Variants in NRIP1 observed in about 807,000 individuals in gnomAD.
NRIP1 encodes the protein nuclear receptor interacting protein 1, also known as nuclear receptor-interacting protein 1.
NRIP1 carries 28 observed loss-of-function variants against 75.0 expected under a neutral mutation model. The ratio of observed to expected loss-of-function variants is 0.37; its 90% CI spans 0.28 to 0.51. The LOEUF (loss-of-function observed/expected upper bound fraction) is 0.51, where lower values mean the gene tolerates loss of function less well. Among genes scored for constraint, NRIP1 ranks in the 20% least tolerant of loss-of-function variants. The pLI, the probability that NRIP1 is intolerant of heterozygous loss-of-function variation, is 0.92. For missense variants in NRIP1, 1,435 were observed against 1,343.7 expected (o/e 1.07, Z -1.06); for synonymous variants, 526 against 487.6 (o/e 1.08, Z -1.04).
intron 1 of NRIP1, among the ~76,000 whole-genome samples, chr21:15,044,453 T>C (rs1197264085): frequency 6.6e-6 from 1 of 151,840 alleles, no homozygotes; most frequent in Non-Finnish European, 1.5e-5. Flanking sequence ...GAGGAAACTT[T>C]ATTTTGGTCA....
At chr21:15,003,791 A>G (rs2087902494) in intron 3 of NRIP1, among the ~76,000 whole-genome samples, 1 of 152,210 alleles carries the variant, frequency 6.6e-6, no homozygotes, top group South Asian at 2.1e-4. Flanking sequence ...AATTACAGCA[A>G]CCTTTCAACC....
At chr21:15,010,741 C>T (rs1410516063) in intron 3 of NRIP1, among the ~76,000 whole-genome samples, 1 of 152,136 alleles carries the variant, frequency 6.6e-6, no homozygotes, top group Non-Finnish European at 1.5e-5. Context: ...AAGACTCGAA[C>T]AAGGATGTCA....
At chr21:15,061,416 G>A (rs1191842343) in intron 1 of NRIP1, among the ~76,000 whole-genome samples, 1 of 152,118 alleles carries the variant, frequency 6.6e-6, no homozygotes, top group Non-Finnish European at 1.5e-5. Flanking sequence ...AACTAAGGCA[G>A]TTTTTCATGG....
chr21:15,046,898 T>C (rs190290314), intron 1 of NRIP1, among the ~76,000 whole-genome samples: 27 of 152,324 alleles, frequency 1.8e-4, no homozygotes, highest in African/African-American at 6.0e-4. Context: ...TCTTCTGCAG[T>C]TTCTTCATCT....
intron 1 of NRIP1, among the ~76,000 whole-genome samples, chr21:15,062,042 C>T (rs2089434587): frequency 6.6e-6 from 1 of 152,192 alleles, no homozygotes; most frequent in Admixed American, 6.5e-5. Flanking sequence ...TGATGTTTGA[C>T]AGAATTAATA....
At position 14,967,793 on chromosome 21, in the gene NRIP1, C is replaced by G. The variant is rs1008224200; in HGVS notation, c.400G>C (p.Ala134Pro). 6.2e-7 allele frequency: 1 copy of G among 1,613,974 alleles called. No homozygotes were observed. Among genetic ancestry groups the G allele is most frequent in the Non-Finnish European group, 8.5e-7 (1 of 1,179,976 alleles). The change falls in exon 4 of 4, where the codon GCC becomes CCC. Residue 134 changes from alanine to proline, a missense_variant. Physicochemically the swap from Ala to Pro is conservative, Grantham distance 27. Coordinates refer to ENST00000318948, the MANE Select transcript of NRIP1 (RefSeq NM_003489.4). ...GAGCTGAATGACTGAAGCAAAGAGGCCAGTAATGTGCTATCCTGTTTGCCT... is the reference window on the plus strand; with the variant it reads ...GAGCTGAATGACTGAAGCAAAGAGGGCAGTAATGTGCTATCCTGTTTGCCT... ...PKGKQDSTLL[A>P]SLLQSFSSRL...
intron 1 of NRIP1, among the ~76,000 whole-genome samples, chr21:15,064,330 G>A (rs2147451109): frequency 6.6e-6 from 1 of 152,346 alleles, no homozygotes; most frequent in African/African-American, 2.4e-5. Context: ...GGCGAAAGGC[G>A]CCGCCCAGGA....
At chr21:15,052,555 C>T (rs1224957754) in intron 1 of NRIP1, among the ~76,000 whole-genome samples, 3 of 152,130 alleles carry the variant, frequency 2.0e-5, no homozygotes, top group Non-Finnish European at 2.9e-5. Context: ...AGTTTTCCCC[C>T]GCGATACTTC....
In NRIP1 at chr21:15,050,755, A is replaced by C. The variant is rs763302982; in HGVS notation, c.-537-7181T>G. 269 of 456,078 alleles carry C rather than the reference A, an allele frequency of 5.9e-4. 1 individual carries two copies. The highest frequency in any genetic ancestry group is 3.3e-4 in the Middle Eastern group (1 of 3,070). 28.3% of individuals were successfully genotyped at this position (456,078 alleles called of 1,614,324 possible). A position where few individuals can be genotyped will look rare whatever the true frequency, so the allele number is the denominator to read the frequency against. On this transcript the variant is annotated intron_variant, in intron 1 of 3. Coordinates refer to ENST00000318948, the MANE Select transcript of NRIP1 (RefSeq NM_003489.4). ...CTGGCTGGGAAGAGATTGCCCCTCT[A>C]GGGGCCAGCCAACGCTTAGAGAAGG...
intron 3 of NRIP1, among the ~76,000 whole-genome samples, chr21:14,999,769 T>C (rs578139302): frequency 5.3e-5 from 8 of 152,354 alleles, no homozygotes; most frequent in African/African-American, 1.4e-4. Context: ...GCTCATTTAC[T>C]GAACTTAGGG....
At position 14,966,833 on chromosome 21, in the gene NRIP1, A is replaced by G. The variant is rs776982768; in HGVS notation, c.1360T>C (p.Ser454Pro). Reference protein sequence around the residue: ...SCKHRTEKSESDQPVSLDNFT... With the variant: ...SCKHRTEKSEPDQPVSLDNFT... ...TTATCCAGGGAAACAGGTTGGTCAG[A>G]TTCTGATTTTTCAGTTCGGTGTTTG... The change falls in exon 4 of 4, where the codon TCT becomes CCT. Residue 454 changes from serine (S) to proline (P), a missense_variant. Physicochemically the swap from Ser to Pro is moderately conservative, Grantham distance 74. Coordinates refer to ENST00000318948, the MANE Select transcript of NRIP1 (RefSeq NM_003489.4). 1 of 1,614,116 alleles carries G rather than the reference A, an allele frequency of 6.2e-7. No individual in the cohort carries two copies. Among genetic ancestry groups the G allele is most frequent in the East Asian group, 2.2e-5 (1 of 44,872 alleles).
Position 14,964,680 on chromosome 21 carries a change from T to G in NRIP1, c.*36A>C, listed in dbSNP as rs758136420. Reference sequence around the variant, plus strand: ...CAGATCTCAAGTTCATACTCATTAGTTTTAAAAAGATCCAAAACTGGATGG... The same window carrying G: ...CAGATCTCAAGTTCATACTCATTAGGTTTAAAAAGATCCAAAACTGGATGG... On this transcript the variant is annotated 3_prime_UTR_variant, in exon 4 of 4. Transcript: ENST00000318948. 5 of 1,450,878 alleles carry G rather than the reference T, an allele frequency of 3.4e-6. No homozygotes were observed. The highest frequency in any genetic ancestry group is 4.6e-6 in the Non-Finnish European group (5 of 1,079,012). The allele number at this position is 1,450,878 out of a possible 1,614,324, so 89.9% of individuals were successfully genotyped here.
At position 14,988,495 on chromosome 21, in the gene NRIP1, A is replaced by ATGTG. The variant is rs1220704059; in HGVS notation, c.-334-19970_-334-19969insCACA. ...TAGATAATATAGATAGATAGTATATATATATGTGTGTGTGTGTGTGTGTAT... is the reference window on the plus strand; with the variant it reads ...TAGATAATATAGATAGATAGTATATATGTGTATATGTGTGTGTGTGTGTGTGTAT... On this transcript the variant is annotated intron_variant, in intron 3 of 3. Transcript: ENST00000318948. Among the ~76,000 whole-genome samples the ATGTG allele has an allele frequency of 3.5e-5, 4 of 115,026 alleles. No homozygotes were observed. In the East Asian group the frequency reaches 1.0e-3, roughly 29 times the overall value. The allele number at this position is 115,026 out of a possible 152,430, so 75.5% of individuals were successfully genotyped here.
At position 15,048,077 on chromosome 21, in the gene NRIP1, T is replaced by C. The variant is rs952490130; in HGVS notation, c.-537-4503A>G. On this transcript the variant is annotated intron_variant, in intron 1 of 3. Coordinates refer to ENST00000318948, the MANE Select transcript of NRIP1 (RefSeq NM_003489.4). ...AGTCTGTAAAGCAGTCAGACCACACTGAACAAGTTCGCCGGCTGATATGGG... is the reference window on the plus strand; with the variant it reads ...AGTCTGTAAAGCAGTCAGACCACACCGAACAAGTTCGCCGGCTGATATGGG... 3.9e-5 allele frequency among the ~76,000 whole-genome samples: 6 copies of C among 152,182 alleles called. No individual in the cohort carries two copies. The East Asian group carries it at 1.2e-3, about 29-fold the overall frequency.
At chr21:15,064,410 C>T (rs1978657196) in intron 1 of NRIP1, among the ~76,000 whole-genome samples, 1 of 152,158 alleles carries the variant, frequency 6.6e-6, no homozygotes, top group Non-Finnish European at 1.5e-5. Flanking sequence ...AGAGGGCAAG[C>T]GAGCGGGGGC....
chr21:14,999,974 T>C (rs1435096144), intron 3 of NRIP1, among the ~76,000 whole-genome samples: 1 of 152,234 alleles, frequency 6.6e-6, no homozygotes, highest in South Asian at 2.1e-4. Context: ...ATAATGTACC[T>C]AAACTGACAA....
At chr21:15,012,637 G>C (rs1046379759) in intron 3 of NRIP1, among the ~76,000 whole-genome samples, 4 of 151,868 alleles carry the variant, frequency 2.6e-5, no homozygotes, top group Non-Finnish European at 4.4e-5. Flanking sequence ...ATTTTTAGTA[G>C]AGACAGGGTT....
chr21:15,050,338 A>C (rs1207459926), intron 1 of NRIP1: 3 of 195,988 alleles, frequency 1.5e-5, no homozygotes, highest in African/African-American at 7.2e-5. Context: ...TGTTTTTCTC[A>C]AACATTCTCT....
At chr21:15,010,378 T>G (rs1306365064) in intron 3 of NRIP1, among the ~76,000 whole-genome samples, 1 of 150,230 alleles carries the variant, frequency 6.7e-6, no homozygotes, top group Non-Finnish European at 1.5e-5. Context: ...AAACCTTTCA[T>G]GGAAAAGGAA....
Sources: gnomAD v4.1 joint callset for allele counts (sites outside exome capture counted in the v4.1 genomes callset) on GRCh38, gnomAD v4.1.1 for gene constraint, MANE v1.5 for transcripts, NCBI Gene and HGNC (gene_info 2026-07-23, HGNC 2026-07-21) for gene names.